Variants in RHPN1 observed in about 807,000 individuals in gnomAD.
The protein encoded by RHPN1 is rhophilin Rho GTPase binding protein 1.
RHPN1 carries 77 observed loss-of-function variants against 74.7 expected under a neutral mutation model. That is an observed-to-expected ratio of 1.03 (90% CI 0.86 to 1.25). The LOEUF is 1.25. Ranked by LOEUF, RHPN1 falls within the 50% of genes most tolerant of loss-of-function variation. RHPN1 has a pLI of 0.00. For missense variants in RHPN1, 987 were observed against 932.2 expected, an observed-to-expected ratio of 1.06 and a Z score of -0.77; for synonymous variants, 444 against 414.5, an observed-to-expected ratio of 1.07 and a Z score of -0.87.
At chr8:143,364,871 T>A (rs372764897), upstream of RHPN1, among the ~76,000 whole-genome samples, 14 of 152,212 alleles carry the variant, frequency 9.2e-5, no homozygotes, top group Admixed American at 5.2e-4. This position sits in a 1 kb window ranked among gnomAD's most constrained non-coding sequence, Gnocchi z 4.5. Flanking sequence ...AGATGATGCA[T>A]TGGTGGCTAT....
chr8:143,372,584 C>T (rs1367093564), intron 1 of RHPN1, among the ~76,000 whole-genome samples: 1 of 151,926 alleles, frequency 6.6e-6, no homozygotes, highest in African/African-American at 2.4e-5. Flanking sequence ...TGCCTGTGTC[C>T]CTCCCTCCAG....
At chr8:143,364,408 G>A (rs1189436438), upstream of RHPN1, among the ~76,000 whole-genome samples, 1 of 149,412 alleles carries the variant, frequency 6.7e-6, no homozygotes, top group South Asian at 2.2e-4. The surrounding 1 kb of genome is among the most constrained non-coding windows in gnomAD (Gnocchi z 4.5). Context: ...GTCCCTCAGC[G>A]GCCGGGAGGG....
chr8:143,382,072 G>A, intron 14 of RHPN1, 104 bp downstream of exon 14: 1 of 1,220,280 alleles, frequency 8.2e-7, no homozygotes, highest in East Asian at 2.5e-5. Flanking sequence ...GGGAGGTGGG[G>A]CTGCAGGTAA....
chr8:143,380,390 T>A (rs891330645), intron 10 of RHPN1, 199 bp from the exon 11 acceptor site: 9 of 650,692 alleles, frequency 1.4e-5, no homozygotes, highest in East Asian at 2.8e-5. Context: ...GGGAGACCAC[T>A]GGGAGCAGCT....
chr8:143,370,429 C>T (rs375739845), intron 1 of RHPN1, among the ~76,000 whole-genome samples: 8 of 152,316 alleles, frequency 5.3e-5, no homozygotes, highest in African/African-American at 1.4e-4. Flanking sequence ...TGCCTGCTGC[C>T]GGGCTAGAGT....
chr8:143,379,641 C>G, intron 8 of RHPN1, 133 bp downstream of exon 8: 1 of 1,445,400 alleles, frequency 6.9e-7, no homozygotes, highest in Non-Finnish European at 9.1e-7. Flanking sequence ...GTCCTGCTCC[C>G]TGGGGGGGCT....
At chr8:143,368,478 G>C (rs1013110679), upstream of RHPN1, 1 of 152,556 alleles carries the variant, frequency 6.6e-6, no homozygotes, top group Non-Finnish European at 1.5e-5. Context: ...CGAGCGGGCA[G>C]ACTCCTGGAG....
In RHPN1 at chr8:143,372,539, G is replaced by T. The variant is rs550884556; in HGVS notation, c.61-3014G>T. Among the ~76,000 whole-genome samples, 1,197 of 152,154 alleles carry T rather than the reference G, an allele frequency of 7.9e-3. 13 individuals are homozygous for T. Among genetic ancestry groups the T allele is most frequent in the African/African-American group, 0.027 (1,113 of 41,518 alleles). ...CGGGGGCAGGGCTGGGCTGGGGGAG[G>T]CCAGGGTCCTGGGCCGGCACACCCT... On this transcript the variant is annotated intron_variant, in intron 1 of 14. Transcript: ENST00000289013.
At chr8:143,372,585 C>A (rs958986910) in intron 1 of RHPN1, among the ~76,000 whole-genome samples, 1 of 151,928 alleles carries the variant, frequency 6.6e-6, no homozygotes, top group Non-Finnish European at 1.5e-5. Context: ...GCCTGTGTCC[C>A]TCCCTCCAGC....
chr8:143,375,776 G>C, intron 2 of RHPN1, 108 bp downstream of exon 2: 1 of 786,802 alleles, frequency 1.3e-6, no homozygotes, highest in Non-Finnish European at 2.0e-6. Context: ...ACAGAGACAG[G>C]TGCATGAGCA....
Position 143,382,472 on chromosome 8 carries a change from C to A in RHPN1, c.1834C>A (p.Leu612Ile). The change falls in exon 15 of 15, where the codon CTT becomes ATT. Residue 612 changes from leucine to isoleucine, a missense_variant. By Grantham distance (5) the Leu-to-Ile change is conservative. Coordinates refer to ENST00000289013, the MANE Select transcript of RHPN1 (RefSeq NM_052924.3). ...RRPVLLGPRG[L>I]LRSQREHGCK... ...GCCCGTCCTGCTGGGCCCCAGGGGG[C>A]TTCTAAGGAGCCAGAGGGAGCATGG... is the stretch of plus-strand genomic sequence containing the variant. 1 of 1,592,976 alleles carries A rather than the reference C, an allele frequency of 6.3e-7. No homozygotes were observed. The highest frequency in any genetic ancestry group is 8.5e-7 in the Non-Finnish European group (1 of 1,170,894).
In RHPN1 at chr8:143,382,436, G is replaced by A; in HGVS notation, c.1798G>A (p.Gly600Arg). 6.4e-7 allele frequency: 1 copy of A among 1,558,566 alleles called. No individual in the cohort carries two copies. Among genetic ancestry groups the A allele is most frequent in the Non-Finnish European group, 8.7e-7 (1 of 1,152,246 alleles). ...LLPSSRLPSLGDRRPVLLGPR... is the reference protein window; with the variant it reads ...LLPSSRLPSLRDRRPVLLGPR... ...CAGTCTGTCTCTGTCCCTGCTGCAG[G>A]GGGACCGCCGGCCCGTCCTGCTGGG... The change falls in exon 15 of 15, where the codon GGG becomes AGG. Residue 600 changes from glycine to arginine, a missense_variant and splice_region_variant. Transcript: ENST00000289013.
intron 8 of RHPN1, 134 bp downstream of exon 8, chr8:143,379,642 TG>T (rs1037644201): frequency 6.2e-5 from 90 of 1,444,684 alleles, no homozygotes; most frequent in Non-Finnish European, 7.8e-5. Context: ...TCCTGCTCCC[TG>T]GGGGGGCTGG....
chr8:143,378,663 G>A (rs1426414317), intron 5 of RHPN1, 33 bp from the exon 6 acceptor site: 7 of 1,585,608 alleles, frequency 4.4e-6, no homozygotes, highest in Admixed American at 1.8e-5. Context: ...GGGTGGGCCA[G>A]GGCGGTGGGG....
chr8:143,376,444 G>C, intron 2 of RHPN1, 81 bp from the exon 3 acceptor site: 2 of 1,565,884 alleles, frequency 1.3e-6, no homozygotes, highest in Non-Finnish European at 1.7e-6. Flanking sequence ...TGACAGGTCA[G>C]CTGGCAGGAC....
intron 1 of RHPN1, among the ~76,000 whole-genome samples, chr8:143,369,769 G>C (rs1307731311): frequency 6.6e-6 from 1 of 152,206 alleles, no homozygotes; most frequent in Non-Finnish European, 1.5e-5. Context: ...TTTCAGCCGC[G>C]GGCTGCTCCT....
chr8:143,378,356 T>TCGGGGGGGGGGGGC lies in RHPN1; in HGVS notation c.459+11_459+12insGGGGGGGGGGGGCC. On this transcript the variant is annotated intron_variant, in intron 5 of 14. Transcript: ENST00000289013. ...GGAGGCCCTGCGGCAGGTGTGTGGT[T>TCGGGGGGGGGGGGC]CCCCCGCCCACCCACCCTCCTGCAG... 2.6e-5 allele frequency: 40 copies of TCGGGGGGGGGGGGC among 1,525,314 alleles called. No individual in the cohort carries two copies. Among genetic ancestry groups the TCGGGGGGGGGGGGC allele is most frequent in the Non-Finnish European group, 3.3e-5 (37 of 1,136,244 alleles). The allele number at this position is 1,525,314 out of a possible 1,614,324, so 94.5% of individuals were successfully genotyped here.
rs541097544 is a variant in RHPN1, at chr8:143,371,753, A to G, written c.60+2706A>G. On this transcript the variant is annotated intron_variant, in intron 1 of 14. Transcript: ENST00000289013. ...CAGCCTCTCTGTCCTTTCCTAATGC[A>G]AGGCGGAAATGGCCACAGTGGGGTG... Among the ~76,000 whole-genome samples, 20 of 152,230 alleles carry G rather than the reference A, an allele frequency of 1.3e-4. No individual in the cohort carries two copies. The South Asian group carries it at 3.9e-3, about 30-fold the overall frequency.
At chr8:143,379,645 G>C (rs922605192) in intron 8 of RHPN1, 137 bp downstream of exon 8, 2 of 1,444,854 alleles carry the variant, frequency 1.4e-6, no homozygotes, top group African/African-American at 1.4e-5. Context: ...TGCTCCCTGG[G>C]GGGGCTGGTC....
Sources: gnomAD v4.1 joint callset for allele counts (sites outside exome capture counted in the v4.1 genomes callset) on GRCh38, gnomAD v4.1.1 for gene constraint, Gnocchi (gnomAD v3.1) non-coding constraint, MANE v1.5 for transcripts, NCBI Gene and HGNC (gene_info 2026-07-23, HGNC 2026-07-21) for gene names.